Variants in ELMO1 observed in about 807,000 individuals in gnomAD.
ELMO1 encodes engulfment and cell motility 1, also known as engulfment and cell motility protein 1.
A neutral mutation model predicts 98.9 loss-of-function variants in ELMO1; 26 were observed. The ratio of observed to expected loss-of-function variants is 0.26; its 90% CI spans 0.19 to 0.36. ELMO1 has a LOEUF of 0.36. Ranked by LOEUF, ELMO1 falls within the 10% of genes least tolerant of loss-of-function variation. The pLI is 1.00. For synonymous variants in ELMO1, 346 were observed against 346.0 expected, an observed-to-expected ratio of 1.00 and a Z score of 0.00; for missense variants, 627 against 935.2, an observed-to-expected ratio of 0.67 and a Z score of 4.30.
intron 2 of ELMO1, among the ~76,000 whole-genome samples, chr7:37,338,999 G>T (rs1800578969): frequency 6.6e-6 from 1 of 152,320 alleles, no homozygotes; most frequent in African/African-American, 2.4e-5. Context: ...GAGGGTGGCT[G>T]AGCAGAATTG....
chr7:36,967,744 A>C (rs993656696), intron 16 of ELMO1, among the ~76,000 whole-genome samples: 1 of 152,238 alleles, frequency 6.6e-6, no homozygotes, highest in African/African-American at 2.4e-5. Context: ...GAAACACGAA[A>C]TAAAAAAGAA....
intron 16 of ELMO1, among the ~76,000 whole-genome samples, chr7:36,958,258 C>G (rs1047589312): frequency 6.6e-6 from 1 of 152,186 alleles, no homozygotes; most frequent in African/African-American, 2.4e-5. Context: ...AAATCCTATT[C>G]TCTGCCTCCT....
In ELMO1 at chr7:37,099,809, A is replaced by C. The variant is rs1784545164; in HGVS notation, c.1192-3082T>G. ...GGTGACTTTCTAGCATCCCAGAGCT[A>C]GCCTGTGTCAGTCCTGGAGTTCAAT... On this transcript the variant is annotated intron_variant, in intron 14 of 21. Transcript: ENST00000310758. Among the ~76,000 whole-genome samples, 3 of 151,912 alleles carry C rather than the reference A, an allele frequency of 2.0e-5. No homozygotes were observed. The South Asian group carries it at 6.2e-4, about 32-fold the overall frequency.
At chr7:37,401,662 C>T (rs1036016806) in intron 1 of ELMO1, among the ~76,000 whole-genome samples, 14 of 152,082 alleles carry the variant, frequency 9.2e-5, no homozygotes, top group Non-Finnish European at 1.9e-4. Context: ...GGGGAGAATC[C>T]CTTAAAAAAC....
intron 16 of ELMO1, among the ~76,000 whole-genome samples, chr7:36,976,767 A>G (rs1168581704): frequency 6.6e-6 from 1 of 152,226 alleles, no homozygotes; most frequent in Middle Eastern, 3.2e-3. Flanking sequence ...ATCAGTTTTA[A>G]TGTACGTGTG....
chr7:37,146,704 T>C (rs1421470292), intron 13 of ELMO1, among the ~76,000 whole-genome samples: 1 of 152,092 alleles, frequency 6.6e-6, no homozygotes, highest in Non-Finnish European at 1.5e-5. Context: ...AATTTATTAA[T>C]AAGAATCAAT....
At chr7:37,435,986 G>A (rs1012732033) in intron 1 of ELMO1, among the ~76,000 whole-genome samples, 5 of 152,200 alleles carry the variant, frequency 3.3e-5, no homozygotes, top group African/African-American at 1.2e-4. Flanking sequence ...ATGAAAACTT[G>A]GCAGCAGGGG....
At chr7:37,171,684 G>A (rs999633943) in intron 13 of ELMO1, among the ~76,000 whole-genome samples, 1 of 151,634 alleles carries the variant, frequency 6.6e-6, no homozygotes, top group Admixed American at 6.6e-5. Flanking sequence ...AGTGGAGACG[G>A]GGTTTCACCA....
intron 16 of ELMO1, among the ~76,000 whole-genome samples, chr7:36,950,036 T>C (rs1787839370): frequency 6.6e-6 from 1 of 152,226 alleles, no homozygotes; most frequent in Non-Finnish European, 1.5e-5. Flanking sequence ...CATGCTCCTA[T>C]ACATCTCATT....
intron 2 of ELMO1, among the ~76,000 whole-genome samples, chr7:37,338,288 T>C (rs1245819003): frequency 2.0e-5 from 3 of 152,222 alleles, no homozygotes; most frequent in Non-Finnish European, 4.4e-5. Flanking sequence ...TGCTATGGTC[T>C]GAATGTTTGT....
At chr7:36,934,694 A>T (rs1380343050) in intron 16 of ELMO1, among the ~76,000 whole-genome samples, 5 of 152,244 alleles carry the variant, frequency 3.3e-5, no homozygotes, top group African/African-American at 9.7e-5. Flanking sequence ...AAGAAGTCAG[A>T]TGCTCACTAA....
intron 2 of ELMO1, among the ~76,000 whole-genome samples, chr7:37,333,129 G>C (rs1800223165): frequency 6.6e-6 from 1 of 152,184 alleles, no homozygotes; most frequent in African/African-American, 2.4e-5. Context: ...TTATTTGCTA[G>C]AGGCTGCTCT....
intron 16 of ELMO1, among the ~76,000 whole-genome samples, chr7:36,900,313 AG>A (rs1342202249): frequency 6.6e-6 from 1 of 152,210 alleles, no homozygotes. Flanking sequence ...CTAGATTGTA[AG>A]TCCCTGGAGG....
chr7:37,274,948 C>T, intron 4 of ELMO1, among the ~76,000 whole-genome samples: 1 of 152,304 alleles, frequency 6.6e-6, no homozygotes, highest in East Asian at 1.9e-4. Flanking sequence ...GAACTGGGCT[C>T]GGAGTTTTTG....
chr7:37,066,458 T>G (rs1584590835), intron 15 of ELMO1, among the ~76,000 whole-genome samples: 1 of 152,326 alleles, frequency 6.6e-6, no homozygotes, highest in East Asian at 1.9e-4. Flanking sequence ...CACTGGGTTG[T>G]CCCTTGGTAC....
intron 13 of ELMO1, among the ~76,000 whole-genome samples, chr7:37,180,167 C>T (rs1790756870): frequency 6.6e-6 from 1 of 152,134 alleles, no homozygotes; most frequent in African/African-American, 2.4e-5. Flanking sequence ...GGAATAGCAG[C>T]AGATTTTCCA....
intron 5 of ELMO1, among the ~76,000 whole-genome samples, chr7:37,264,491 G>A (rs1020884147): frequency 1.1e-4 from 17 of 151,970 alleles, no homozygotes; most frequent in Non-Finnish European, 2.2e-4. Context: ...TAATGAATTT[G>A]CACCATTTTT....
At chr7:37,068,359 C>A (rs952544111) in intron 15 of ELMO1, among the ~76,000 whole-genome samples, 1 of 152,172 alleles carries the variant, frequency 6.6e-6, no homozygotes, top group Non-Finnish European at 1.5e-5. Flanking sequence ...GGCACTTTAC[C>A]TATTCTTAGT....
Position 37,437,966 on chromosome 7 carries a change from C to T in ELMO1, c.-74+10709G>A, listed in dbSNP as rs1380598182. On this transcript the variant is annotated intron_variant, in intron 1 of 21. Transcript: ENST00000310758. Reference sequence around the variant, plus strand: ...CCGCAGTCCGGCCTGGGCGACAGAGCGAGACTCCGTCTCAAAAAAAAAAAA... The same window carrying T: ...CCGCAGTCCGGCCTGGGCGACAGAGTGAGACTCCGTCTCAAAAAAAAAAAA... Among the ~76,000 whole-genome samples the T allele has an allele frequency of 9.4e-4, 7 of 7,452 alleles. 3 individuals carry two copies. Among genetic ancestry groups the T allele is most frequent in the Non-Finnish European group, 1.4e-3 (5 of 3,460 alleles). The allele number at this position is 7,452 out of a possible 152,430, so 4.9% of individuals were successfully genotyped here.
Sources: gnomAD v4.1 joint callset for allele counts (sites outside exome capture counted in the v4.1 genomes callset) on GRCh38, gnomAD v4.1.1 for gene constraint, MANE v1.5 for transcripts, NCBI Gene and HGNC (gene_info 2026-07-23, HGNC 2026-07-21) for gene names.